Variants in ATP2A2 observed in about 807,000 individuals in gnomAD.
ATP2A2 encodes the protein sarcoplasmic/endoplasmic reticulum calcium ATPase 2.
Under a neutral mutation model 109.3 loss-of-function variants are expected in ATP2A2, and 14 were observed. The observed-to-expected ratio is 0.13, with a 90% CI of 0.08 to 0.20. The LOEUF is 0.20. Among genes scored for constraint, ATP2A2 ranks in the 10% least tolerant of loss-of-function variants. The pLI, the probability that ATP2A2 is intolerant of heterozygous loss-of-function variation, is 1.00. For missense variants in ATP2A2, 657 were observed against 1,321.6 expected (o/e 0.50, Z 7.80); for synonymous variants, 506 against 490.9 (o/e 1.03, Z -0.41).
In ATP2A2 at chr12:110,282,565, C is replaced by T. The variant is rs372885221; in HGVS notation, c.119-39C>T. On this transcript the variant is annotated intron_variant, in intron 1 of 19. Coordinates refer to ENST00000539276, the MANE Select transcript of ATP2A2 (RefSeq NM_170665.4). Reference sequence around the variant, plus strand: ...CTCTCTCTTTTTTTTTTTAACCTCCCTCTTGACACATTGCTTGACGAATTT... The same window carrying T: ...CTCTCTCTTTTTTTTTTTAACCTCCTTCTTGACACATTGCTTGACGAATTT... 1.1e-5 allele frequency: 17 copies of T among 1,611,606 alleles called. No homozygotes were observed. The African/African-American group carries it at 2.1e-4, about 20-fold the overall frequency.
chr12:110,296,414 G>A (rs568628142), intron 4 of ATP2A2, 185 bp from the exon 5 acceptor site: 15 of 791,936 alleles, frequency 1.9e-5, no homozygotes, highest in East Asian at 1.0e-4. Context: ...TTAACGTTTC[G>A]TTTTTAATAC....
chr12:110,290,293 C>G (rs1020589976), intron 3 of ATP2A2, among the ~76,000 whole-genome samples: 2 of 152,184 alleles, frequency 1.3e-5, no homozygotes, highest in Non-Finnish European at 2.9e-5. Flanking sequence ...CCTTGGCCTC[C>G]CAAAGTGCCG....
chr12:110,284,576 A>C (rs558079585), intron 3 of ATP2A2, among the ~76,000 whole-genome samples: 41 of 152,140 alleles, frequency 2.7e-4, no homozygotes, highest in African/African-American at 9.4e-4. Context: ...TTGTTTGTTC[A>C]TTTTTTACTT....
chr12:110,296,435 A>C (rs1159827216), intron 4 of ATP2A2, 164 bp from the exon 5 acceptor site: 41 of 902,978 alleles, frequency 4.5e-5, no homozygotes, highest in Non-Finnish European at 6.2e-5. Flanking sequence ...AAATTAATAA[A>C]TGTCCTTGTG....
At position 110,300,139 on chromosome 12, in the gene ATP2A2, CTCCCCTCCTT is replaced by C. The variant is rs1359979772; in HGVS notation, c.463+3403_463+3412del. Reference sequence around the variant, plus strand: ...TTTCCCTCCCCTCCCCTCCCCTCCCCTCCCCTCCTTCTGTCCTCCCTCTTTTCCTTCTTTC... The same window carrying C: ...TTTCCCTCCCCTCCCCTCCCCTCCCCCTGTCCTCCCTCTTTTCCTTCTTTC... On this transcript the variant is annotated intron_variant, in intron 5 of 19. Coordinates refer to ENST00000539276, the MANE Select transcript of ATP2A2 (RefSeq NM_170665.4). Among the ~76,000 whole-genome samples the C allele has an allele frequency of 2.8e-5, 4 of 144,040 alleles. No individual in the cohort carries two copies. In the Admixed American group the frequency reaches 2.8e-4, roughly 10 times the overall value. The allele number at this position is 144,040 out of a possible 152,430, so 94.5% of individuals were successfully genotyped here. A position where few individuals can be genotyped will look rare whatever the true frequency, so the allele number is the denominator to read the frequency against.
rs1226487844 is a variant in ATP2A2, at chr12:110,350,881, A to G, written c.*4411A>G. The G allele has an allele frequency of 6.5e-6, 1 of 155,038 alleles. No homozygotes were observed. Among genetic ancestry groups the G allele is most frequent in the African/African-American group, 2.4e-5 (1 of 41,474 alleles). The allele number at this position is 155,038 out of a possible 1,614,324, so 9.6% of individuals were successfully genotyped here. On this transcript the variant is annotated 3_prime_UTR_variant, in exon 20 of 20. Coordinates refer to ENST00000539276, the MANE Select transcript of ATP2A2 (RefSeq NM_170665.4). ...AGCTATTTCGCACTGTATTAAATGTAACTTATTTAATGAAATCAGAAGCAG... is the reference window on the plus strand; with the variant it reads ...AGCTATTTCGCACTGTATTAAATGTGACTTATTTAATGAAATCAGAAGCAG...
intron 5 of ATP2A2, among the ~76,000 whole-genome samples, chr12:110,318,005 G>GA (rs958522744): frequency 1.3e-5 from 2 of 152,160 alleles, no homozygotes; most frequent in Middle Eastern, 3.2e-3. Context: ...ACATTTGGAA[G>GA]AAAAAATTGC....
At position 110,349,090 on chromosome 12, in the gene ATP2A2, C is replaced by A; in HGVS notation, c.*2620C>A. On this transcript the variant is annotated 3_prime_UTR_variant, in exon 20 of 20. Coordinates refer to ENST00000539276, the MANE Select transcript of ATP2A2 (RefSeq NM_170665.4). Reference sequence around the variant, plus strand: ...ACAGAGGAGCCCATGGAGGGACCCACTTCCCTTGGTCCAGACAGCTGGGAG... The same window carrying A: ...ACAGAGGAGCCCATGGAGGGACCCAATTCCCTTGGTCCAGACAGCTGGGAG... 1 of 985,520 alleles carries A rather than the reference C, an allele frequency of 1.0e-6. No individual in the cohort carries two copies. Among genetic ancestry groups the A allele is most frequent in the Non-Finnish European group, 1.2e-6 (1 of 829,988 alleles). The allele number at this position is 985,520 out of a possible 1,614,324, so 61.0% of individuals were successfully genotyped here. A position where few individuals can be genotyped will look rare whatever the true frequency, so the allele number is the denominator to read the frequency against.
intron 5 of ATP2A2, among the ~76,000 whole-genome samples, chr12:110,298,237 T>A (rs1180987174): frequency 6.6e-6 from 1 of 152,182 alleles, no homozygotes; most frequent in African/African-American, 2.4e-5. Context: ...TATTCTCTCA[T>A]CCAGAAATTT....
chr12:110,305,774 C>G (rs1875228931), intron 5 of ATP2A2, among the ~76,000 whole-genome samples: 1 of 151,794 alleles, frequency 6.6e-6, no homozygotes, highest in Non-Finnish European at 1.5e-5. Context: ...AGAAAGCAAG[C>G]TGGTATTTTC....
intron 3 of ATP2A2, among the ~76,000 whole-genome samples, chr12:110,284,994 C>G (rs377242906): frequency 6.6e-6 from 1 of 152,084 alleles, no homozygotes; most frequent in African/African-American, 2.4e-5. Context: ...CTTTTTGTGT[C>G]AGTTTATTCC....
chr12:110,301,474 T>C (rs1318034833), intron 5 of ATP2A2, among the ~76,000 whole-genome samples: 1 of 152,158 alleles, frequency 6.6e-6, no homozygotes, highest in Non-Finnish European at 1.5e-5. Flanking sequence ...TTTTCCCCCC[T>C]CTTATCCTCT....
chr12:110,339,589 G>A lies in ATP2A2; in HGVS notation c.1629G>A (p.Lys543=). The A allele has an allele frequency of 2.5e-6, 4 of 1,614,184 alleles. No homozygotes were observed. The South Asian group carries it at 4.4e-5, about 18-fold the overall frequency. ...CTATGACCTCTGGAGTCAAACAGAAGATCATGTCTGTCATTCGAGAGTGGG... is the reference window on the plus strand; with the variant it reads ...CTATGACCTCTGGAGTCAAACAGAAAATCATGTCTGTCATTCGAGAGTGGG... The part of the protein sequence containing the change: ...KVPMTSGVKQ[K]IMSVIREWGS... The change falls in exon 13 of 20, where the codon AAG becomes AAA. Residue 543 remains lysine, a synonymous_variant. Coordinates refer to ENST00000539276, the MANE Select transcript of ATP2A2 (RefSeq NM_170665.4). This position sits in a 1 kb window ranked among gnomAD's most constrained non-coding sequence, Gnocchi z 4.4.
chr12:110,330,752 A>G (rs1416065319), intron 8 of ATP2A2: 1 of 152,174 alleles, frequency 6.6e-6, no homozygotes, highest in Non-Finnish European at 1.5e-5. Context: ...AGCTGGTGCT[A>G]ATTGGTATTC....
At chr12:110,302,656 G>A (rs951309985) in intron 5 of ATP2A2, among the ~76,000 whole-genome samples, 1 of 151,956 alleles carries the variant, frequency 6.6e-6, no homozygotes, top group Non-Finnish European at 1.5e-5. Context: ...CTGGAATGCA[G>A]TAGCGTGATC....
intron 4 of ATP2A2, among the ~76,000 whole-genome samples, chr12:110,293,199 T>A (rs1873509824): frequency 6.6e-6 from 1 of 151,644 alleles, no homozygotes; most frequent in Non-Finnish European, 1.5e-5. Context: ...CTCAGCCTCC[T>A]TGAGTAGCTG....
rs374421080 is a variant in ATP2A2, at chr12:110,291,883, G to A, written c.220-137G>A. ...GGTTGGTCTGGAACTCTTGACCTCAGGTGATCGCCTGCCTTGGCCTCCCAA... is the reference window on the plus strand; with the variant it reads ...GGTTGGTCTGGAACTCTTGACCTCAAGTGATCGCCTGCCTTGGCCTCCCAA... On this transcript the variant is annotated intron_variant, in intron 3 of 19. Coordinates refer to ENST00000539276, the MANE Select transcript of ATP2A2 (RefSeq NM_170665.4). The A allele has an allele frequency of 3.9e-4, 296 of 761,508 alleles. No individual in the cohort carries two copies. The African/African-American group carries it at 4.7e-3, about 12-fold the overall frequency. 47.2% of individuals were successfully genotyped at this position (761,508 alleles called of 1,614,324 possible).
At chr12:110,292,978 C>T (rs764101252) in intron 4 of ATP2A2, among the ~76,000 whole-genome samples, 10 of 152,140 alleles carry the variant, frequency 6.6e-5, no homozygotes, top group Non-Finnish European at 1.2e-4. Context: ...ATTGTTTCCC[C>T]TTCAGTGCTT....
At chr12:110,282,940 T>G in intron 3 of ATP2A2, 145 bp downstream of exon 3, 1 of 775,100 alleles carries the variant, frequency 1.3e-6, no homozygotes, top group Non-Finnish European at 2.1e-6. Context: ...TCTGGGCATT[T>G]TAAAATTACA....
Sources: allele counts gnomAD v4.1 joint callset (sites outside exome capture counted in the v4.1 genomes callset), GRCh38; gene constraint gnomAD v4.1.1; non-coding constraint Gnocchi (gnomAD v3.1); transcripts MANE v1.5; gene names NCBI Gene and HGNC (gene_info 2026-07-23, HGNC 2026-07-21).